Variants in LRRC4C observed in about 807,000 individuals in gnomAD.
LRRC4C encodes leucine rich repeat containing 4C, also known as leucine-rich repeat-containing protein 4C.
A neutral mutation model predicts 33.6 loss-of-function variants in LRRC4C; 5 were observed. The ratio of observed to expected loss-of-function variants is 0.15; its 90% CI spans 0.08 to 0.31. The LOEUF (loss-of-function observed/expected upper bound fraction) is 0.31, where lower values mean the gene tolerates loss of function less well. Among genes scored for constraint, LRRC4C ranks in the 10% least tolerant of loss-of-function variants. LRRC4C has a pLI of 1.00. For missense variants in LRRC4C, 560 were observed against 796.7 expected, an observed-to-expected ratio of 0.70 and a Z score of 3.58; for synonymous variants, 329 against 302.0, an observed-to-expected ratio of 1.09 and a Z score of -0.93.
intron 6 of LRRC4C, among the ~76,000 whole-genome samples, chr11:40,125,154 G>A (rs1856120533): frequency 6.6e-6 from 1 of 152,100 alleles, no homozygotes; most frequent in African/African-American, 2.4e-5. Flanking sequence ...GTCTGAACAT[G>A]TGACACAATT....
chr11:40,980,445 T>C (rs558982272), intron 1 of LRRC4C, among the ~76,000 whole-genome samples: 11 of 152,314 alleles, frequency 7.2e-5, no homozygotes, highest in African/African-American at 2.2e-4. Flanking sequence ...TCCGTATTAA[T>C]TGGGCATGCT....
At chr11:40,335,648 G>A (rs1946563689) in intron 3 of LRRC4C, among the ~76,000 whole-genome samples, 1 of 152,206 alleles carries the variant, frequency 6.6e-6, no homozygotes, top group South Asian at 2.1e-4. Context: ...CACCGTCATT[G>A]TATGACACTC....
At chr11:40,363,435 A>G (rs1299657193) in intron 3 of LRRC4C, among the ~76,000 whole-genome samples, 2 of 152,140 alleles carry the variant, frequency 1.3e-5, no homozygotes, top group Non-Finnish European at 2.9e-5. Flanking sequence ...GAGGGAGAGG[A>G]TCAGGGAAAA....
chr11:40,606,243 A>G (rs1025220309), intron 3 of LRRC4C, among the ~76,000 whole-genome samples: 2 of 152,202 alleles, frequency 1.3e-5, no homozygotes, highest in East Asian at 1.9e-4. Context: ...CACTTATTGT[A>G]GCGCTAGAGA....
chr11:40,872,905 A>G (rs546275369), intron 2 of LRRC4C, among the ~76,000 whole-genome samples: 1 of 152,300 alleles, frequency 6.6e-6, no homozygotes, highest in Non-Finnish European at 1.5e-5. Flanking sequence ...ACCAGTTGTT[A>G]AAAACAAGAG....
At chr11:41,201,921 A>AT (rs1946413948) in intron 1 of LRRC4C, among the ~76,000 whole-genome samples, 1 of 150,626 alleles carries the variant, frequency 6.6e-6, no homozygotes, top group African/African-American at 2.4e-5. Context: ...CACACACACA[A>AT]ACACACACAC....
intron 1 of LRRC4C, among the ~76,000 whole-genome samples, chr11:41,404,705 G>A (rs1954163550): frequency 6.6e-6 from 1 of 152,024 alleles, no homozygotes; most frequent in South Asian, 2.1e-4. Context: ...ACATCACCTG[G>A]AGAGCTGTGC....
chr11:41,373,037 T>C (rs937368673), intron 1 of LRRC4C, among the ~76,000 whole-genome samples: 1 of 152,108 alleles, frequency 6.6e-6, no homozygotes, highest in African/African-American at 2.4e-5. Context: ...TTCTAACACA[T>C]CCATTTAGCA....
chr11:40,952,878 ACACACACACACACACACACT>A (rs1440656858), intron 1 of LRRC4C, among the ~76,000 whole-genome samples: 50 of 109,972 alleles, frequency 4.5e-4, no homozygotes, highest in Non-Finnish European at 8.0e-4. Context: ...ACACACACAC[ACACACACACACACACACACT>A]CTCTCTCTCT....
At position 41,208,166 on chromosome 11, in the gene LRRC4C, C is replaced by G. The variant is rs552036338; in HGVS notation, c.-496+251265G>C. 3.3e-5 allele frequency among the ~76,000 whole-genome samples: 5 copies of G among 152,192 alleles called. No homozygotes were observed. The South Asian group carries it at 1.0e-3, about 32-fold the overall frequency. ...CAAATCAGGAACATGCTGTTAGGAA[C>G]TGGAAAGAAGGCAATCATGTGATAA... On this transcript the variant is annotated intron_variant, in intron 1 of 6. Transcript: ENST00000528697.
chr11:41,409,222 A>AT (rs1374849135), intron 1 of LRRC4C, among the ~76,000 whole-genome samples: 7 of 152,134 alleles, frequency 4.6e-5, no homozygotes, highest in African/African-American at 1.4e-4. Context: ...AGATCATTAC[A>AT]TTTTTTCTCT....
At chr11:41,211,292 A>G (rs1014095143) in intron 1 of LRRC4C, among the ~76,000 whole-genome samples, 7 of 152,124 alleles carry the variant, frequency 4.6e-5, no homozygotes, top group African/African-American at 9.7e-5. Context: ...AATCTCCCCA[A>G]TTGCAAAGAG....
intron 4 of LRRC4C, among the ~76,000 whole-genome samples, chr11:40,244,245 G>C (rs1430841662): frequency 6.6e-6 from 1 of 152,168 alleles, no homozygotes; most frequent in Non-Finnish European, 1.5e-5. Flanking sequence ...TTGACATGCT[G>C]AACTGAAGAA....
intron 4 of LRRC4C, among the ~76,000 whole-genome samples, chr11:40,318,986 C>G (rs1355549264): frequency 6.6e-6 from 1 of 152,102 alleles, no homozygotes; most frequent in Non-Finnish European, 1.5e-5. Flanking sequence ...CTCCATTACC[C>G]AGGAGAAATT....
intron 1 of LRRC4C, among the ~76,000 whole-genome samples, chr11:41,159,553 A>T (rs1944377520): frequency 1.3e-5 from 2 of 152,172 alleles, no homozygotes; most frequent in Non-Finnish European, 2.9e-5. Context: ...ATAAACAATA[A>T]TAATAACAAC....
chr11:41,221,553 T>C (rs1947307196), intron 1 of LRRC4C, among the ~76,000 whole-genome samples: 1 of 152,162 alleles, frequency 6.6e-6, no homozygotes, highest in Non-Finnish European at 1.5e-5. Context: ...TTACTAGCTA[T>C]ATACCCAAAG....
chr11:40,909,337 G>A (rs1035638384), intron 2 of LRRC4C, among the ~76,000 whole-genome samples: 1 of 151,870 alleles, frequency 6.6e-6, no homozygotes, highest in African/African-American at 2.4e-5. Context: ...AGATTTCAAT[G>A]GACAATATTT....
At chr11:40,733,495 G>T (rs1947710490) in intron 2 of LRRC4C, among the ~76,000 whole-genome samples, 1 of 152,166 alleles carries the variant, frequency 6.6e-6, no homozygotes, top group Non-Finnish European at 1.5e-5. Flanking sequence ...TTGGGATCCA[G>T]ATTGAACCCA....
chr11:40,673,390 T>C (rs1416624394), intron 2 of LRRC4C, among the ~76,000 whole-genome samples: 4 of 152,184 alleles, frequency 2.6e-5, no homozygotes, highest in Non-Finnish European at 4.4e-5. Context: ...ATTATAATAG[T>C]AACACCTAAT....
Sources: allele counts gnomAD v4.1 joint callset (sites outside exome capture counted in the v4.1 genomes callset), GRCh38; gene constraint gnomAD v4.1.1; transcripts MANE v1.5; gene names NCBI Gene and HGNC (gene_info 2026-07-23, HGNC 2026-07-21).